TLL1: variants seen among roughly 807,000 people sequenced by gnomAD.
TLL1 encodes tolloid-like protein 1.
A neutral mutation model predicts 128.2 loss-of-function variants in TLL1; 49 were observed. That is an observed-to-expected ratio of 0.38 (90% CI 0.30 to 0.48). TLL1 has a LOEUF of 0.48. Ranked by LOEUF, TLL1 falls within the 20% of genes least tolerant of loss-of-function variation. The probability of loss-of-function intolerance (pLI) is 0.96; values close to 1 mark genes in which losing one functional copy is unlikely to be tolerated. For synonymous variants in TLL1, 454 were observed against 418.8 expected (o/e 1.08, Z -1.03); for missense variants, 1,123 against 1,242.0 (o/e 0.90, Z 1.44).
intron 1 of TLL1, among the ~76,000 whole-genome samples, chr4:165,929,413 C>T (rs545195723): frequency 1.3e-3 from 203 of 152,180 alleles, no homozygotes; most frequent in African/African-American, 4.7e-3. Context: ...GTGGCACATG[C>T]CTGTAATCCC....
At chr4:165,940,949 C>T (rs1294736264) in intron 1 of TLL1, among the ~76,000 whole-genome samples, 1 of 152,040 alleles carries the variant, frequency 6.6e-6, no homozygotes, top group Non-Finnish European at 1.5e-5. Context: ...ATTTGCTCAA[C>T]TCTGTCTCTT....
chr4:165,970,645 C>T (rs531781595), intron 1 of TLL1, among the ~76,000 whole-genome samples: 26 of 152,062 alleles, frequency 1.7e-4, no homozygotes, highest in African/African-American at 4.3e-4. Flanking sequence ...TCAAATTTCC[C>T]GCATACTCTA....
intron 16 of TLL1, among the ~76,000 whole-genome samples, chr4:166,067,738 A>G (rs959529982): frequency 1.2e-4 from 18 of 151,802 alleles, no homozygotes; most frequent in Non-Finnish European, 2.2e-4. Flanking sequence ...AGATTGTTTG[A>G]TGGAGTATAA....
intron 9 of TLL1, among the ~76,000 whole-genome samples, chr4:166,034,109 GA>G (rs1216077347): frequency 6.6e-6 from 1 of 152,044 alleles, no homozygotes; most frequent in Non-Finnish European, 1.5e-5. Context: ...TTTGATGTGT[GA>G]AATAAATTAT....
At chr4:165,909,460 G>A (rs1161249324) in intron 1 of TLL1, among the ~76,000 whole-genome samples, 2 of 152,172 alleles carry the variant, frequency 1.3e-5, no homozygotes, top group African/African-American at 4.8e-5. Flanking sequence ...GGCATCACTA[G>A]GGGAATGATT....
At chr4:166,045,105 GT>G (rs1739404050) in intron 12 of TLL1, among the ~76,000 whole-genome samples, 1 of 152,150 alleles carries the variant, frequency 6.6e-6, no homozygotes, top group Non-Finnish European at 1.5e-5. Flanking sequence ...GATGACTACA[GT>G]TTATGACCTG....
intron 5 of TLL1, among the ~76,000 whole-genome samples, chr4:166,001,897 C>T (rs1737178964): frequency 6.6e-6 from 1 of 151,824 alleles, no homozygotes; most frequent in African/African-American, 2.4e-5. Flanking sequence ...TTCTATTTGA[C>T]AGTCCAGGAG....
chr4:165,952,874 G>T (rs923279002), intron 1 of TLL1, among the ~76,000 whole-genome samples: 1 of 152,096 alleles, frequency 6.6e-6, no homozygotes, highest in African/African-American at 2.4e-5. Flanking sequence ...CCCCACTAAA[G>T]AGCAAGAATG....
intron 1 of TLL1, among the ~76,000 whole-genome samples, chr4:165,927,666 C>A (rs1368219918): frequency 6.6e-6 from 1 of 152,080 alleles, no homozygotes; most frequent in Non-Finnish European, 1.5e-5. Flanking sequence ...CAACCAGGAG[C>A]AATTTTGCCT....
chr4:166,003,833 A>G (rs1303082462), intron 6 of TLL1, among the ~76,000 whole-genome samples: 4 of 152,090 alleles, frequency 2.6e-5, no homozygotes, highest in Admixed American at 6.6e-5. Context: ...GTGCTTTCCA[A>G]GAATGAGTGT....
At chr4:165,894,612 T>C (rs1419515432) in intron 1 of TLL1, among the ~76,000 whole-genome samples, 2 of 152,182 alleles carry the variant, frequency 1.3e-5, no homozygotes, top group African/African-American at 2.4e-5. Flanking sequence ...AACAGATTAA[T>C]GTAGACGTTA....
At chr4:166,089,896 G>C (rs1741686262) in intron 18 of TLL1, among the ~76,000 whole-genome samples, 1 of 151,768 alleles carries the variant, frequency 6.6e-6, no homozygotes, top group Non-Finnish European at 1.5e-5. Context: ...TAGTTAATAT[G>C]AATTGTTTAT....
chr4:165,916,557 A>G (rs1265722616), intron 1 of TLL1, among the ~76,000 whole-genome samples: 3 of 152,200 alleles, frequency 2.0e-5, no homozygotes, highest in African/African-American at 7.2e-5. Flanking sequence ...CAAGTATAGT[A>G]ACATAGTAAT....
At chr4:166,022,468 T>G (rs1738290153) in intron 8 of TLL1, among the ~76,000 whole-genome samples, 1 of 152,184 alleles carries the variant, frequency 6.6e-6, no homozygotes, top group Non-Finnish European at 1.5e-5. Flanking sequence ...GAGCCCACTG[T>G]GCCCGGCCAA....
At chr4:165,956,772 A>C (rs1734819297) in intron 1 of TLL1, among the ~76,000 whole-genome samples, 1 of 152,106 alleles carries the variant, frequency 6.6e-6, no homozygotes, top group Non-Finnish European at 1.5e-5. Flanking sequence ...AGGCATAAGA[A>C]ATTATAAAAG....
intron 17 of TLL1, among the ~76,000 whole-genome samples, chr4:166,076,798 T>A (rs550121213): frequency 3.3e-5 from 5 of 152,298 alleles, no homozygotes; most frequent in African/African-American, 1.2e-4. Context: ...AGACAGGAAC[T>A]GAATTTTACC....
At position 166,101,279 on chromosome 4, in the gene TLL1, G is replaced by A. The variant is rs1388036078; in HGVS notation, c.*403G>A. The A allele has an allele frequency of 7.3e-6, 2 of 273,478 alleles. No homozygotes were observed. The highest frequency in any genetic ancestry group is 1.4e-5 in the Non-Finnish European group (2 of 142,008). 16.9% of individuals were successfully genotyped at this position (273,478 alleles called of 1,614,324 possible). ...CTTGCAGGTCGTAAACTGGAAAACAGTATTTTGGTTGTCTTAGGATAATTG... is the reference window on the plus strand; with the variant it reads ...CTTGCAGGTCGTAAACTGGAAAACAATATTTTGGTTGTCTTAGGATAATTG... On this transcript the variant is annotated 3_prime_UTR_variant, in exon 21 of 21. Coordinates refer to ENST00000061240, the MANE Select transcript of TLL1 (RefSeq NM_012464.5).
At chr4:166,007,363 C>G (rs1387080229) in intron 6 of TLL1, among the ~76,000 whole-genome samples, 7 of 151,628 alleles carry the variant, frequency 4.6e-5, no homozygotes, top group Non-Finnish European at 1.0e-4. Flanking sequence ...AGGAGAACTG[C>G]CTTTTCATCA....
At chr4:165,973,700 T>C in intron 1 of TLL1, among the ~76,000 whole-genome samples, 1 of 151,724 alleles carries the variant, frequency 6.6e-6, no homozygotes. Flanking sequence ...AGTCTTGCTG[T>C]GTTGCCCAAC....
Sources: allele counts gnomAD v4.1 joint callset (sites outside exome capture counted in the v4.1 genomes callset), GRCh38; gene constraint gnomAD v4.1.1; transcripts MANE v1.5; gene names NCBI Gene and HGNC (gene_info 2026-07-23, HGNC 2026-07-21).